The following MCCC2 variants were observed in gnomAD, a reference collection of about 807,000 sequenced individuals.
MCCC2 encodes methylcrotonyl-CoA carboxylase subunit 2.
A neutral mutation model predicts 77.2 loss-of-function variants in MCCC2; 52 were observed. That is an observed-to-expected ratio of 0.67 (90% CI 0.54 to 0.85). MCCC2 has a LOEUF of 0.85. Among genes scored for constraint, MCCC2 ranks in the 40% least tolerant of loss-of-function variants. The pLI, the probability that MCCC2 is intolerant of heterozygous loss-of-function variation, is 0.00. For synonymous variants in MCCC2, 253 were observed against 248.4 expected (o/e 1.02, Z -0.18); for missense variants, 682 against 703.2 (o/e 0.97, Z 0.34).
rs1481334830 is a variant in MCCC2, at chr5:71,649,421, G to A, written c.1373+168G>A. ...GGTGAAATGAAATTTAATGCCAAAG[G>A]TGTTATTTGGAAGAAATCTACAATG... On this transcript the variant is annotated intron_variant, in intron 14 of 16. Coordinates refer to ENST00000340941, the MANE Select transcript of MCCC2 (RefSeq NM_022132.5). Among the ~76,000 whole-genome samples, 3 of 152,312 alleles carry A rather than the reference G, an allele frequency of 2.0e-5. No individual in the cohort carries two copies. In the East Asian group the frequency reaches 5.8e-4, roughly 29 times the overall value.
At chr5:71,651,787 G>C (rs71612576) in intron 15 of MCCC2, among the ~76,000 whole-genome samples, 1 of 152,174 alleles carries the variant, frequency 6.6e-6, no homozygotes, top group East Asian at 1.9e-4. Context: ...GTGGGTGGGG[G>C]AGGTGAGATA....
chr5:71,615,000 TG>T (rs1239879436), intron 6 of MCCC2, among the ~76,000 whole-genome samples: 1 of 152,174 alleles, frequency 6.6e-6, no homozygotes, highest in East Asian at 1.9e-4. Context: ...GGAGTCTCAC[TG>T]TGTCATCCAG....
rs543286426 is a variant in MCCC2, at chr5:71,603,608, A to G, written c.512-748A>G. On this transcript the variant is annotated intron_variant, in intron 5 of 16. Transcript: ENST00000340941. ...ATACGAACTGCTCTGCACGTAGAGAAAACAGCAAATGAGGCCCAGCTGCTT... is the reference window on the plus strand; with the variant it reads ...ATACGAACTGCTCTGCACGTAGAGAGAACAGCAAATGAGGCCCAGCTGCTT... Among the ~76,000 whole-genome samples, 36 of 152,242 alleles carry G rather than the reference A, an allele frequency of 2.4e-4. No individual in the cohort carries two copies. In the South Asian group the frequency reaches 7.1e-3, roughly 30 times the overall value.
intron 3 of MCCC2, among the ~76,000 whole-genome samples, chr5:71,598,928 T>TC: frequency 6.6e-6 from 1 of 150,452 alleles, no homozygotes; most frequent in South Asian, 2.1e-4. Context: ...TGTTGAAAAT[T>TC]TTTTTTTTTT....
At chr5:71,608,256 G>C (rs1205572704) in intron 6 of MCCC2, among the ~76,000 whole-genome samples, 2 of 119,142 alleles carry the variant, frequency 1.7e-5, no homozygotes, top group African/African-American at 6.6e-5. Context: ...GACTCTGGGT[G>C]CTCCTGTATT....
At chr5:71,608,793 G>T (rs994161480) in intron 6 of MCCC2, among the ~76,000 whole-genome samples, 2 of 152,108 alleles carry the variant, frequency 1.3e-5, no homozygotes, top group Non-Finnish European at 2.9e-5. Context: ...GCATTTGCTT[G>T]TCTGTAAAGG....
intron 6 of MCCC2, among the ~76,000 whole-genome samples, chr5:71,617,786 G>A (rs1746215920): frequency 6.6e-6 from 1 of 152,102 alleles, no homozygotes; most frequent in Non-Finnish European, 1.5e-5. Context: ...CTTGCCCATT[G>A]TAAATTCATT....
chr5:71,653,527 G>T (rs138574300), intron 16 of MCCC2, among the ~76,000 whole-genome samples: 4 of 149,598 alleles, frequency 2.7e-5, no homozygotes, highest in Non-Finnish European at 6.0e-5. Context: ...TTATGCTGGC[G>T]AAGGCAAACT....
At position 71,632,147 on chromosome 5, in the gene MCCC2, A is replaced by G. The variant is rs1405840387; in HGVS notation, c.765A>G (p.Val255=). The G allele has an allele frequency of 1.2e-6, 2 of 1,614,228 alleles. No homozygotes were observed. Among genetic ancestry groups the G allele is most frequent in the Admixed American group, 3.3e-5 (2 of 60,028 alleles). The change falls in exon 8 of 17, where the codon GTA becomes GTG. Residue 255 remains valine, a synonymous_variant. Coordinates refer to ENST00000340941, the MANE Select transcript of MCCC2 (RefSeq NM_022132.5). ...PLVKAATGEE[V]SAEDLGGADL... is the part of the protein sequence containing the mutation. ...TTAAAGCGGCAACTGGGGAAGAAGTATCTGCTGAGGATCTTGGAGGTGCTG... is the reference window on the plus strand; with the variant it reads ...TTAAAGCGGCAACTGGGGAAGAAGTGTCTGCTGAGGATCTTGGAGGTGCTG...
intron 8 of MCCC2, among the ~76,000 whole-genome samples, chr5:71,633,110 TATATATATA>T (rs1561841279): frequency 7.6e-5 from 2 of 26,190 alleles, no homozygotes; most frequent in East Asian, 1.4e-3. Context: ...TATATATATA[TATATATATA>T]TATATATATA....
chr5:71,615,124 G>A (rs1267977611), intron 6 of MCCC2, among the ~76,000 whole-genome samples: 1 of 152,096 alleles, frequency 6.6e-6, no homozygotes, highest in Non-Finnish European at 1.5e-5. Flanking sequence ...GCACCACCAT[G>A]CCTGACTAAC....
chr5:71,600,933 T>A (rs970382787), intron 4 of MCCC2, among the ~76,000 whole-genome samples: 11 of 152,148 alleles, frequency 7.2e-5, no homozygotes, highest in African/African-American at 2.7e-4. Flanking sequence ...GAAGGCAAGA[T>A]CTGCTTAGGC....
intron 6 of MCCC2, among the ~76,000 whole-genome samples, chr5:71,610,584 G>T (rs180776245): frequency 6.6e-6 from 1 of 152,274 alleles, no homozygotes; most frequent in East Asian, 1.9e-4. Context: ...GGCCATCTTG[G>T]CTCCTCCCCA....
chr5:71,605,444 G>C (rs921123136), intron 6 of MCCC2, among the ~76,000 whole-genome samples: 1 of 151,846 alleles, frequency 6.6e-6, no homozygotes, highest in Non-Finnish European at 1.5e-5. Flanking sequence ...TTTTTTTCTT[G>C]TAAATTTGAG....
intron 3 of MCCC2, among the ~76,000 whole-genome samples, chr5:71,597,274 G>A (rs1745226039): frequency 6.6e-6 from 1 of 152,170 alleles, no homozygotes; most frequent in Non-Finnish European, 1.5e-5. Flanking sequence ...GAGGGAGTGA[G>A]GGGAGAGGAG....
At chr5:71,639,368 C>CCT (rs943007613) in intron 10 of MCCC2, among the ~76,000 whole-genome samples, 3 of 152,132 alleles carry the variant, frequency 2.0e-5, no homozygotes, top group African/African-American at 7.2e-5. Flanking sequence ...GCACTTGCTG[C>CCT]CTCACCTTAT....
intron 6 of MCCC2, among the ~76,000 whole-genome samples, chr5:71,620,918 G>A (rs1240174594): frequency 6.6e-6 from 1 of 152,096 alleles, no homozygotes; most frequent in South Asian, 2.1e-4. Context: ...CTGGTGACTG[G>A]GTGGACGGTA....
intron 11 of MCCC2, among the ~76,000 whole-genome samples, chr5:71,641,958 G>A (rs1303060093): frequency 2.0e-5 from 3 of 152,302 alleles, no homozygotes; most frequent in African/African-American, 4.8e-5. Flanking sequence ...CTTTTTGTTT[G>A]ATATATAGAC....
intron 7 of MCCC2, among the ~76,000 whole-genome samples, chr5:71,629,735 C>CATTATT (rs3066461): frequency 4.1e-4 from 61 of 147,986 alleles, no homozygotes; most frequent in East Asian, 1.2e-3. Flanking sequence ...AGCCTGCAGC[C>CATTATT]ATTATTATTA....
Sources: allele counts gnomAD v4.1 joint callset (sites outside exome capture counted in the v4.1 genomes callset), GRCh38; gene constraint gnomAD v4.1.1; transcripts MANE v1.5; gene names NCBI Gene and HGNC (gene_info 2026-07-23, HGNC 2026-07-21).